The following CPXM2 variants were observed in gnomAD, a reference collection of about 807,000 sequenced individuals.
CPXM2 encodes the protein inactive carboxypeptidase-like protein X2.
In CPXM2, 66 loss-of-function variants were observed where a neutral mutation model predicts 86.1. The ratio of observed to expected loss-of-function variants is 0.77; its 90% CI spans 0.63 to 0.94. CPXM2 has a LOEUF of 0.94. CPXM2 is among the 40% of genes least tolerant of loss of function. The pLI, the probability that CPXM2 is intolerant of heterozygous loss-of-function variation, is 0.00. For synonymous variants in CPXM2, 388 were observed against 400.2 expected, an observed-to-expected ratio of 0.97 and a Z score of 0.36; for missense variants, 948 against 1,026.3, an observed-to-expected ratio of 0.92 and a Z score of 1.04.
chr10:123,905,307 G>C (rs1030903194), intron 2 of CPXM2, among the ~76,000 whole-genome samples: 1 of 152,194 alleles, frequency 6.6e-6, no homozygotes, highest in African/African-American at 2.4e-5. Flanking sequence ...TGCCCTGCTT[G>C]GATTCTGTGC....
chr10:123,875,222 T>C (rs1318398769), intron 2 of CPXM2, among the ~76,000 whole-genome samples: 1 of 152,238 alleles, frequency 6.6e-6, no homozygotes, highest in East Asian at 1.9e-4. Flanking sequence ...TTGTTTCTTT[T>C]TAGAGACTAA....
upstream of CPXM2, among the ~76,000 whole-genome samples, chr10:123,943,586 G>T (rs7071108): frequency 0.17 from 26,499 of 152,186 alleles, 3,732 homozygotes; most frequent in African/African-American, 0.38. Flanking sequence ...TTCAGCCCCT[G>T]AAGTGCAGAG....
At chr10:123,831,344 G>A (rs542040786) in intron 4 of CPXM2, among the ~76,000 whole-genome samples, 5 of 152,314 alleles carry the variant, frequency 3.3e-5, no homozygotes, top group Admixed American at 1.3e-4. Flanking sequence ...AGAGAAGTGG[G>A]TCAGCCCTGC....
intron 1 of CPXM2, among the ~76,000 whole-genome samples, chr10:123,888,225 T>C (rs920361132): frequency 5.9e-5 from 9 of 152,222 alleles, no homozygotes; most frequent in African/African-American, 2.2e-4. Context: ...GAATCACTGC[T>C]GAATACATCT....
intron 3 of CPXM2, among the ~76,000 whole-genome samples, chr10:123,860,718 G>A (rs28454242): frequency 0.17 from 25,484 of 152,206 alleles, 2,873 homozygotes; most frequent in East Asian, 0.4. Flanking sequence ...GCCCCGTCTA[G>A]GGTACTGGAG....
At chr10:123,875,533 G>T (rs1944968558) in intron 2 of CPXM2, among the ~76,000 whole-genome samples, 1 of 152,200 alleles carries the variant, frequency 6.6e-6, no homozygotes, top group Non-Finnish European at 1.5e-5. Context: ...CCAGGGAACT[G>T]TCTGGTTATG....
intron 2 of CPXM2, among the ~76,000 whole-genome samples, chr10:123,873,100 T>A (rs1358251361): frequency 6.6e-6 from 1 of 152,230 alleles, no homozygotes; most frequent in East Asian, 1.9e-4. Flanking sequence ...GGTATAAGAA[T>A]TGAAAAGGAG....
At chr10:123,896,247 T>A (rs1945337044), upstream of CPXM2, among the ~76,000 whole-genome samples, 1 of 152,234 alleles carries the variant, frequency 6.6e-6, no homozygotes, top group Non-Finnish European at 1.5e-5. Context: ...GAAAATGGAA[T>A]TTTTTGAAAG....
At position 123,746,310 on chromosome 10, in the gene CPXM2, C is replaced by T. The variant is rs1845969542; in HGVS notation, c.*454G>A. 5.7e-6 allele frequency: 1 copy of T among 174,480 alleles called. No homozygotes were observed. The highest frequency in any genetic ancestry group is 2.4e-5 in the African/African-American group (1 of 41,782). The allele number at this position is 174,480 out of a possible 1,614,324, so 10.8% of individuals were successfully genotyped here. A position where few individuals can be genotyped will look rare whatever the true frequency, so the allele number is the denominator to read the frequency against. The stretch of plus-strand genomic sequence containing the variant: ...GAGAGGGTGGATTCTCTTAGGACGC[C>T]TGGGAGCATCTCAAATGGTAACATT... On this transcript the variant is annotated 3_prime_UTR_variant, in exon 14 of 14. Coordinates refer to ENST00000241305, the MANE Select transcript of CPXM2 (RefSeq NM_198148.3).
chr10:123,915,519 C>A (rs1483693026), intron 2 of CPXM2, among the ~76,000 whole-genome samples: 1 of 152,134 alleles, frequency 6.6e-6, no homozygotes, highest in African/African-American at 2.4e-5. Flanking sequence ...GGTCGGGCCA[C>A]TGCAGTACAG....
intron 2 of CPXM2, among the ~76,000 whole-genome samples, chr10:123,918,139 C>T (rs372402077): frequency 6.6e-6 from 1 of 152,250 alleles, no homozygotes; most frequent in East Asian, 1.9e-4. Context: ...TTTCCTCAGC[C>T]ATTTCACCTG....
chr10:123,855,429 CG>C (rs1169775991), intron 3 of CPXM2, among the ~76,000 whole-genome samples: 5 of 152,172 alleles, frequency 3.3e-5, no homozygotes, highest in Admixed American at 3.3e-4. Context: ...GTCAAAGACA[CG>C]GGTGCAGGGC....
chr10:123,817,324 A>G (rs1261711095), intron 4 of CPXM2, among the ~76,000 whole-genome samples: 2 of 152,182 alleles, frequency 1.3e-5, no homozygotes, highest in Non-Finnish European at 2.9e-5. Flanking sequence ...GAAGATAGGC[A>G]TGCTGTCTGG....
chr10:123,763,346 T>C (rs978058983), intron 10 of CPXM2, among the ~76,000 whole-genome samples: 4 of 152,164 alleles, frequency 2.6e-5, no homozygotes. Context: ...GGAAAACACC[T>C]GTGAACCCAC....
intron 2 of CPXM2, among the ~76,000 whole-genome samples, chr10:123,914,921 C>A (rs1396278605): frequency 6.6e-6 from 1 of 152,200 alleles, no homozygotes; most frequent in African/African-American, 2.4e-5. Flanking sequence ...CACGCAGCAG[C>A]CAGAGGGGCC....
At chr10:123,815,547 T>C in intron 4 of CPXM2, among the ~76,000 whole-genome samples, 1 of 152,118 alleles carries the variant, frequency 6.6e-6, no homozygotes, top group Admixed American at 6.6e-5. Flanking sequence ...CCATACCCAG[T>C]AGTGGCAACA....
At chr10:123,906,128 A>G (rs1256215573) in intron 2 of CPXM2, among the ~76,000 whole-genome samples, 1 of 152,034 alleles carries the variant, frequency 6.6e-6, no homozygotes, top group Admixed American at 6.5e-5. Flanking sequence ...CTGCTCCTGC[A>G]CCCATCTCCC....
upstream of CPXM2, among the ~76,000 whole-genome samples, chr10:123,896,890 C>T (rs1945342232): frequency 6.6e-6 from 1 of 152,166 alleles, no homozygotes; most frequent in African/African-American, 2.4e-5. Context: ...GTTTGCACTG[C>T]CTCTGGTCTC....
intron 2 of CPXM2, among the ~76,000 whole-genome samples, chr10:123,922,504 C>G (rs1291499926): frequency 1.3e-5 from 2 of 152,222 alleles, no homozygotes; most frequent in African/African-American, 4.8e-5. Context: ...TCAAGCAACA[C>G]TGACTAAGTG....
Sources: allele counts gnomAD v4.1 joint callset (sites outside exome capture counted in the v4.1 genomes callset), GRCh38; gene constraint gnomAD v4.1.1; transcripts MANE v1.5; gene names NCBI Gene and HGNC (gene_info 2026-07-23, HGNC 2026-07-21).